Variants in GPC5 observed in about 807,000 individuals in gnomAD.
The protein encoded by GPC5 is glypican 5.
GPC5 carries 47 observed loss-of-function variants against 53.9 expected under a neutral mutation model. The ratio of observed to expected loss-of-function variants is 0.87; its 90% CI spans 0.69 to 1.11. The LOEUF (loss-of-function observed/expected upper bound fraction) is 1.11, where lower values mean the gene tolerates loss of function less well. GPC5 is among the 50% of genes most tolerant of loss of function. The pLI is 0.00. For synonymous variants in GPC5, 286 were observed against 263.3 expected, an observed-to-expected ratio of 1.09 and a Z score of -0.84; for missense variants, 748 against 713.1, an observed-to-expected ratio of 1.05 and a Z score of -0.56.
intron 6 of GPC5, among the ~76,000 whole-genome samples, chr13:92,049,336 T>C (rs2041008763): frequency 6.6e-6 from 1 of 152,162 alleles, no homozygotes. Flanking sequence ...TGACCTTATA[T>C]AGTTTTTAAC....
intron 7 of GPC5, among the ~76,000 whole-genome samples, chr13:92,842,056 C>T (rs1878448317): frequency 1.3e-5 from 2 of 152,138 alleles, no homozygotes; most frequent in African/African-American, 4.8e-5. Context: ...CTGATTTTCT[C>T]TAGGAAGTAG....
chr13:91,484,574 A>G (rs546565692), intron 2 of GPC5, among the ~76,000 whole-genome samples: 5 of 151,212 alleles, frequency 3.3e-5, no homozygotes, highest in Non-Finnish European at 4.4e-5. Context: ...GTATTTTCGT[A>G]TATATGTATT....
intron 7 of GPC5, among the ~76,000 whole-genome samples, chr13:92,642,829 C>T (rs1242184466): frequency 1.3e-5 from 2 of 152,138 alleles, no homozygotes; most frequent in Non-Finnish European, 2.9e-5. Flanking sequence ...AGTAGAAATG[C>T]AGTCTGCAAC....
Position 91,618,130 on chromosome 13 carries a change from A to C in GPC5, c.326-75057A>C, listed in dbSNP as rs553408669. ...GTTCAGGTTAATGGAGGCATTAGAC[A>C]CAGACATTAGAAGGGTGAATCAAAA... On this transcript the variant is annotated intron_variant, in intron 2 of 7. Transcript: ENST00000377067. Among the ~76,000 whole-genome samples, 60 of 152,240 alleles carry C rather than the reference A, an allele frequency of 3.9e-4. No individual in the cohort carries two copies. The South Asian group carries it at 9.7e-3, about 25-fold the overall frequency.
At chr13:91,730,771 A>G (rs959458523) in intron 4 of GPC5, among the ~76,000 whole-genome samples, 4 of 152,212 alleles carry the variant, frequency 2.6e-5, no homozygotes, top group Admixed American at 6.5e-5. Context: ...AAAGTGAATA[A>G]TATGATTTTT....
chr13:92,016,012 C>T (rs1207550268), intron 6 of GPC5, among the ~76,000 whole-genome samples: 1 of 152,156 alleles, frequency 6.6e-6, no homozygotes, highest in African/African-American at 2.4e-5. Flanking sequence ...GTGGAAAAGG[C>T]ACAATCACTT....
At chr13:92,105,208 G>A (rs1324584179) in intron 6 of GPC5, among the ~76,000 whole-genome samples, 1 of 152,018 alleles carries the variant, frequency 6.6e-6, no homozygotes, top group African/African-American at 2.4e-5. Context: ...ACTATGCGTT[G>A]TTTTAATTGG....
intron 7 of GPC5, among the ~76,000 whole-genome samples, chr13:92,648,937 T>C (rs1594381254): frequency 6.6e-6 from 1 of 152,088 alleles, no homozygotes; most frequent in African/African-American, 2.4e-5. Flanking sequence ...TGGTTATTCA[T>C]CAGGCAAGAG....
chr13:91,474,221 A>G (rs9583934), intron 2 of GPC5, among the ~76,000 whole-genome samples: 2,245 of 152,244 alleles, frequency 0.015, 56 homozygotes, highest in African/African-American at 0.047. Context: ...ATTCTTGGCA[A>G]GAGTGCTTAG....
intron 7 of GPC5, among the ~76,000 whole-genome samples, chr13:92,611,853 A>C (rs1442839920): frequency 6.6e-6 from 1 of 152,128 alleles, no homozygotes; most frequent in Non-Finnish European, 1.5e-5. Flanking sequence ...ATAAAACAGG[A>C]TGTTCCTACT....
chr13:92,783,192 G>T (rs1055807244), intron 7 of GPC5, among the ~76,000 whole-genome samples: 1 of 152,006 alleles, frequency 6.6e-6, no homozygotes, highest in South Asian at 2.1e-4. Flanking sequence ...CATGACTCAG[G>T]TATCTTCTGA....
chr13:91,800,992 T>C (rs1164761016), intron 5 of GPC5, among the ~76,000 whole-genome samples: 1 of 152,198 alleles, frequency 6.6e-6, no homozygotes, highest in African/African-American at 2.4e-5. Flanking sequence ...TATATATTTA[T>C]TATTCAAGGC....
rs193277689 is a variant in GPC5 at position 92,183,911 on chromosome 13, T to C, written c.1561+38922T>C. ...TATCATTTAGTTTACCAATTTTCTCTTTGATCTTATCTAATAGGGTATTTT... is the reference window on the plus strand; with the variant it reads ...TATCATTTAGTTTACCAATTTTCTCCTTGATCTTATCTAATAGGGTATTTT... On this transcript the variant is annotated intron_variant, in intron 7 of 7. Transcript: ENST00000377067. Among the ~76,000 whole-genome samples, 26 of 152,214 alleles carry C rather than the reference T, an allele frequency of 1.7e-4. 1 individual carries two copies. The East Asian group carries it at 5.0e-3, about 29-fold the overall frequency.
chr13:91,827,981 A>G (rs2038599989), intron 5 of GPC5, among the ~76,000 whole-genome samples: 1 of 152,108 alleles, frequency 6.6e-6, no homozygotes, highest in South Asian at 2.1e-4. Context: ...GTGTATTTAC[A>G]CAATGAATTC....
intron 2 of GPC5, among the ~76,000 whole-genome samples, chr13:91,571,758 C>CGTGTGT (rs1566514982): frequency 1.1e-4 from 10 of 94,168 alleles, no homozygotes; most frequent in African/African-American, 6.0e-4. Context: ...CACACATATA[C>CGTGTGT]ATGTGTATGT....
intron 7 of GPC5, among the ~76,000 whole-genome samples, chr13:92,507,776 T>G (rs1880424704): frequency 6.6e-6 from 1 of 152,164 alleles, no homozygotes; most frequent in Non-Finnish European, 1.5e-5. Flanking sequence ...TTCATAGGAA[T>G]AAAATATATC....
At chr13:91,450,047 A>G (rs1466065524) in intron 2 of GPC5, among the ~76,000 whole-genome samples, 2 of 152,162 alleles carry the variant, frequency 1.3e-5, no homozygotes, top group East Asian at 3.8e-4. Flanking sequence ...TTTAATTTTT[A>G]AAATGATAGT....
chr13:91,482,684 T>A (rs1883370734), intron 2 of GPC5, among the ~76,000 whole-genome samples: 1 of 152,194 alleles, frequency 6.6e-6, no homozygotes, highest in Admixed American at 6.5e-5. Flanking sequence ...GGGAGGCTTC[T>A]TGTTTCCCAG....
At chr13:92,653,583 C>T (rs1886030031) in intron 7 of GPC5, among the ~76,000 whole-genome samples, 1 of 152,154 alleles carries the variant, frequency 6.6e-6, no homozygotes, top group Non-Finnish European at 1.5e-5. Flanking sequence ...AACAAAATGG[C>T]TATTTATAAA....
Sources: allele counts gnomAD v4.1 joint callset (sites outside exome capture counted in the v4.1 genomes callset), GRCh38; gene constraint gnomAD v4.1.1; transcripts MANE v1.5; gene names NCBI Gene and HGNC (gene_info 2026-07-23, HGNC 2026-07-21).